The following PRRC2B variants were observed in gnomAD, a reference collection of about 807,000 sequenced individuals.
PRRC2B encodes protein PRRC2B.
In PRRC2B, 68 loss-of-function variants were observed where a neutral mutation model predicts 242.3. The observed-to-expected ratio is 0.28, with a 90% CI of 0.23 to 0.34. PRRC2B has a LOEUF of 0.34. Among genes scored for constraint, PRRC2B ranks in the 10% least tolerant of loss-of-function variants. The probability of loss-of-function intolerance (pLI) is 1.00; values close to 1 mark genes in which losing one functional copy is unlikely to be tolerated. For missense variants in PRRC2B, 2,835 were observed against 2,954.8 expected (o/e 0.96, Z 0.94); for synonymous variants, 1,228 against 1,173.6 (o/e 1.05, Z -0.95).
At chr9:131,489,928 C>T (rs1287347435) in intron 28 of PRRC2B, among the ~76,000 whole-genome samples, 1 of 152,116 alleles carries the variant, frequency 6.6e-6, no homozygotes, top group African/African-American at 2.4e-5. Flanking sequence ...AGGCCTCCTC[C>T]TCAGTCTCCT....
At chr9:131,450,634 C>T (rs1942884923) in intron 9 of PRRC2B, among the ~76,000 whole-genome samples, 2 of 151,708 alleles carry the variant, frequency 1.3e-5, no homozygotes, top group Admixed American at 1.3e-4. Context: ...GCCACACAGG[C>T]TGGAGTGCAG....
chr9:131,447,003 T>C, intron 7 of PRRC2B, 82 bp from the exon 8 acceptor site: 2 of 1,573,454 alleles, frequency 1.3e-6, no homozygotes, highest in Non-Finnish European at 1.7e-6. Context: ...ATTTTCCACT[T>C]TATAAAACAC....
At position 131,405,416 on chromosome 9, in the gene PRRC2B, C is replaced by T. The variant is rs370256929; in HGVS notation, c.-52+11153C>T. 6.6e-5 allele frequency among the ~76,000 whole-genome samples: 10 copies of T among 152,276 alleles called. No individual in the cohort carries two copies. In the East Asian group the frequency reaches 9.6e-4, roughly 15 times the overall value. ...TCCATTTTAAGTTTTCTCATAGCCC[C>T]GTCTTTCACAGTCCTTGGTGGTTTT... On this transcript the variant is annotated intron_variant, in intron 1 of 31. Coordinates refer to ENST00000683519, the MANE Select transcript of PRRC2B (RefSeq NM_013318.4).
chr9:131,383,657 A>G (rs1294555859), intron 1 of PRRC2B, among the ~76,000 whole-genome samples: 1 of 138,590 alleles, frequency 7.2e-6, no homozygotes, highest in African/African-American at 2.7e-5. Flanking sequence ...GCTGGAGTGC[A>G]GTGGCCCAGG....
chr9:131,427,066 C>T (rs772184176), intron 1 of PRRC2B, among the ~76,000 whole-genome samples: 23 of 152,188 alleles, frequency 1.5e-4, no homozygotes, highest in Non-Finnish European at 3.2e-4. Context: ...ACAGATCGGA[C>T]GTAGGACCGC....
intron 5 of PRRC2B, among the ~76,000 whole-genome samples, chr9:131,442,774 G>T (rs538318906): frequency 6.6e-6 from 1 of 152,330 alleles, no homozygotes; most frequent in South Asian, 2.1e-4. Context: ...TGTCTGGAGT[G>T]TGCTGCATAT....
chr9:131,407,129 ATGT>A (rs1413891822), intron 1 of PRRC2B, among the ~76,000 whole-genome samples: 15 of 152,290 alleles, frequency 9.8e-5, no homozygotes, highest in African/African-American at 3.1e-4. Context: ...ATGAATCATA[ATGT>A]TGTATTGGTA....
At chr9:131,378,053 G>C (rs961164588) in intron 1 of PRRC2B, among the ~76,000 whole-genome samples, 3 of 152,174 alleles carry the variant, frequency 2.0e-5, no homozygotes, top group African/African-American at 7.2e-5. Context: ...GCTTACGCTT[G>C]TAATCCCAGC....
chr9:131,401,755 G>C (rs1837232534), intron 1 of PRRC2B, among the ~76,000 whole-genome samples: 1 of 151,790 alleles, frequency 6.6e-6, no homozygotes, highest in Non-Finnish European at 1.5e-5. Flanking sequence ...CTGCTTCCTG[G>C]GTTTAAGAGA....
At chr9:131,443,658 T>A (rs1349012422) in intron 5 of PRRC2B, among the ~76,000 whole-genome samples, 8 of 151,884 alleles carry the variant, frequency 5.3e-5, no homozygotes, top group Admixed American at 4.6e-4. Flanking sequence ...CTTGAACTCC[T>A]GAGTTCAAAT....
intron 30 of PRRC2B, 22 bp downstream of exon 30, chr9:131,492,282 T>C: frequency 6.3e-7 from 1 of 1,591,398 alleles, no homozygotes. Flanking sequence ...CCCTGGGGAC[T>C]GCGTGCTGTG....
At chr9:131,449,603 T>G (rs1479384667) in intron 9 of PRRC2B, among the ~76,000 whole-genome samples, 1 of 152,220 alleles carries the variant, frequency 6.6e-6, no homozygotes, top group Non-Finnish European at 1.5e-5. Context: ...TATCTGAATT[T>G]TAAAAAATTG....
chr9:131,479,336 G>T lies in PRRC2B; in HGVS notation c.4843G>T (p.Asp1615Tyr). Reference protein sequence around the residue: ...KQNNLCLEQGDVTVPGSSLGT... With the variant: ...KQNNLCLEQGYVTVPGSSLGT... ...GAACAACTTATGTCTGGAGCAAGGT[G>T]ACGTGACCGTGCCTGGCAGCAGCCT... The change falls in exon 19 of 32, where the codon GAC (aspartate) becomes TAC (tyrosine). Residue 1615 changes from aspartate (D) to tyrosine (Y), a missense_variant. Asp to Tyr is a radical substitution (Grantham distance 160, BLOSUM62 -3). Transcript: ENST00000683519. 1 of 1,613,958 alleles carries T rather than the reference G, an allele frequency of 6.2e-7. No individual in the cohort carries two copies. The highest frequency in any genetic ancestry group is 1.1e-5 in the South Asian group (1 of 91,058).
At chr9:131,442,245 G>T (rs956441478) in intron 5 of PRRC2B, among the ~76,000 whole-genome samples, 1 of 151,796 alleles carries the variant, frequency 6.6e-6, no homozygotes, top group Non-Finnish European at 1.5e-5. Flanking sequence ...CAATCTTCCC[G>T]CCTCAGCCTC....
Position 131,446,384 on chromosome 9 carries a change from C to T in PRRC2B, c.614-17C>T. On this transcript the variant is annotated splice_polypyrimidine_tract_variant and intron_variant, in intron 6 of 31. Transcript: ENST00000683519. The surrounding 1 kb of genome is among the most constrained non-coding windows in gnomAD (Gnocchi z 4.1). ...CCTCCTCTTCCCTCTCCCCTTTTGC[C>T]CCCTTTCAATTTCCAGATGTGACAA... 1 of 1,613,102 alleles carries T rather than the reference C, an allele frequency of 6.2e-7. No individual in the cohort carries two copies. Among genetic ancestry groups the T allele is most frequent in the Non-Finnish European group, 8.5e-7 (1 of 1,179,604 alleles).
chr9:131,392,668 T>C (rs1257481524), upstream of PRRC2B, among the ~76,000 whole-genome samples: 3 of 152,118 alleles, frequency 2.0e-5, no homozygotes, highest in Admixed American at 2.0e-4. Flanking sequence ...ATCCCAACAC[T>C]TTGGGAGGCC....
At chr9:131,412,189 G>A (rs1837525167) in intron 1 of PRRC2B, among the ~76,000 whole-genome samples, 1 of 152,162 alleles carries the variant, frequency 6.6e-6, no homozygotes, top group Non-Finnish European at 1.5e-5. Flanking sequence ...TGATGGGCTT[G>A]ATCTACCAAG....
intron 28 of PRRC2B, among the ~76,000 whole-genome samples, chr9:131,489,669 G>A (rs1284415469): frequency 3.3e-5 from 5 of 151,942 alleles, no homozygotes; most frequent in Non-Finnish European, 7.4e-5. Context: ...CTCCCTTTCT[G>A]TGTCACCCAG....
Position 131,447,111 on chromosome 9 carries a change from C to G in PRRC2B, c.882C>G (p.Asn294Lys). ...AFMCSPKSSE[N>K]QGTVERGSFP... ...TGTGTTCGCCGAAGTCATCAGAAAACCAGGGTACAGTGGAACGAGGCTCTT... is the reference window on the plus strand; with the variant it reads ...TGTGTTCGCCGAAGTCATCAGAAAAGCAGGGTACAGTGGAACGAGGCTCTT... The change falls in exon 8 of 32, where the codon AAC becomes AAG. Residue 294 changes from asparagine to lysine, a missense_variant. Coordinates refer to ENST00000683519, the MANE Select transcript of PRRC2B (RefSeq NM_013318.4). 3 of 1,613,966 alleles carry G rather than the reference C, an allele frequency of 1.9e-6. No individual in the cohort carries two copies. The highest frequency in any genetic ancestry group is 2.2e-5 in the East Asian group (1 of 44,890).
Sources: allele counts gnomAD v4.1 joint callset (sites outside exome capture counted in the v4.1 genomes callset), GRCh38; gene constraint gnomAD v4.1.1; non-coding constraint Gnocchi (gnomAD v3.1); transcripts MANE v1.5; gene names NCBI Gene and HGNC (gene_info 2026-07-23, HGNC 2026-07-21).